Variants in NSD3 observed in about 807,000 individuals in gnomAD.
NSD3 encodes the protein nuclear receptor binding SET domain protein 3.
In NSD3, 24 loss-of-function variants were observed where a neutral mutation model predicts 160.8. The ratio of observed to expected loss-of-function variants is 0.15; its 90% CI spans 0.11 to 0.21. The LOEUF (loss-of-function observed/expected upper bound fraction) is 0.21. NSD3 is among the 10% of genes least tolerant of loss of function. NSD3 has a pLI of 1.00. For missense variants in NSD3, 1,157 were observed against 1,735.9 expected, an observed-to-expected ratio of 0.67 and a Z score of 5.93; for synonymous variants, 520 against 600.0, an observed-to-expected ratio of 0.87 and a Z score of 1.95.
Position 38,290,651 on chromosome 8 carries a change from G to C in NSD3, c.2942C>G (p.Pro981Arg). The change falls in exon 17 of 24, where the codon CCC becomes CGC. Residue 981 changes from proline to arginine, a missense_variant. Physicochemically the swap from Pro to Arg is moderately radical, Grantham distance 103. This residue lies in a region of NSD3 where 437 missense variants were observed against 576.6 expected (regional missense o/e 0.76). Coordinates refer to ENST00000317025, the MANE Select transcript of NSD3 (RefSeq NM_023034.2). The part of the protein sequence containing the change: ...YRWWPAEICN[P>R]RSVPLNIQGL... ...CTGGATGTTCAGTGGCACAGACCTG[G>C]GGTTGCAGATCTCTGCTGGCCACCA... is the stretch of plus-strand genomic sequence containing the variant. The C allele has an allele frequency of 6.2e-7, 1 of 1,613,836 alleles. No homozygotes were observed. The highest frequency in any genetic ancestry group is 8.5e-7 in the Non-Finnish European group (1 of 1,179,864).
Position 38,330,583 on chromosome 8 carries a change from G to A in NSD3, c.1066-690C>T, listed in dbSNP as rs907911235. Among the ~76,000 whole-genome samples the A allele has an allele frequency of 2.0e-5, 3 of 152,252 alleles. No individual in the cohort carries two copies. The South Asian group carries it at 6.2e-4, about 32-fold the overall frequency. On this transcript the variant is annotated intron_variant, in intron 5 of 23. Coordinates refer to ENST00000317025, the MANE Select transcript of NSD3 (RefSeq NM_023034.2). ...CAGAGCAATTAGGAATTATCCAGGT[G>A]GCTAGACTGATGTAGCCAGAAATTA...
intron 8 of NSD3, 98 bp downstream of exon 8, chr8:38,320,974 T>C: frequency 1.7e-6 from 2 of 1,173,542 alleles, no homozygotes; most frequent in Non-Finnish European, 2.5e-6. Context: ...GAAAGGAAAC[T>C]CAGTGTGGGG....
chr8:38,333,096 C>T (rs960575138), intron 4 of NSD3, among the ~76,000 whole-genome samples: 1 of 152,006 alleles, frequency 6.6e-6, no homozygotes, highest in Non-Finnish European at 1.5e-5. Context: ...ATTTCAAGGA[C>T]AGGGTAGTGG....
chr8:38,289,541 A>C lies in NSD3; in HGVS notation c.3119-36T>G, dbSNP rs761528107. ...GATGATACAAAGTATGTAAATACCA[A>C]AAACCAAAGGAAAATTGATGGGATA... On this transcript the variant is annotated intron_variant, in intron 17 of 23. Coordinates refer to ENST00000317025, the MANE Select transcript of NSD3 (RefSeq NM_023034.2). 3.2e-6 allele frequency: 5 copies of C among 1,581,892 alleles called. No individual in the cohort carries two copies. The East Asian group carries it at 1.1e-4, about 35-fold the overall frequency.
intron 1 of NSD3, among the ~76,000 whole-genome samples, chr8:38,376,336 C>A (rs1811386132): frequency 1.3e-5 from 2 of 152,078 alleles, no homozygotes; most frequent in Non-Finnish European, 2.9e-5. Context: ...GATCTCTTGC[C>A]TCACTGCAGC....
In NSD3 at chr8:38,319,289, C is replaced by T. The variant is rs1809742892; in HGVS notation, c.1810-349G>A. On this transcript the variant is annotated intron_variant, in intron 8 of 23. Transcript: ENST00000317025. The surrounding 1 kb of genome is among the most constrained non-coding windows in gnomAD (Gnocchi z 4.1). ...AACCGGCCCCAATGTTGCTAAAAACCCCTCCCGCCCCAAAGACGTTAGGAT... is the reference window on the plus strand; with the variant it reads ...AACCGGCCCCAATGTTGCTAAAAACTCCTCCCGCCCCAAAGACGTTAGGAT... 1 of 203,760 alleles carries T rather than the reference C, an allele frequency of 4.9e-6. No individual in the cohort carries two copies. The highest frequency in any genetic ancestry group is 9.7e-6 in the Non-Finnish European group (1 of 102,710). The allele number at this position is 203,760 out of a possible 1,614,324, so 12.6% of individuals were successfully genotyped here.
At chr8:38,284,703 T>C (rs1808817807) in intron 19 of NSD3, among the ~76,000 whole-genome samples, 1 of 152,224 alleles carries the variant, frequency 6.6e-6, no homozygotes. Context: ...AAATTTTCTT[T>C]AGTGGAAACT....
rs1808565736 is a variant in NSD3 at position 38,275,033 on chromosome 8, G to C, written c.*608C>G. 4.4e-6 allele frequency: 1 copy of C among 227,104 alleles called. No individual in the cohort carries two copies. Among genetic ancestry groups the C allele is most frequent in the African/African-American group, 2.2e-5 (1 of 44,992 alleles). The allele number at this position is 227,104 out of a possible 1,614,324, so 14.1% of individuals were successfully genotyped here. ...AAATCCACCGAGGCATTGTTTTCAA[G>C]AGGCCAGATTTAATACTTCCATAGA... On this transcript the variant is annotated 3_prime_UTR_variant, in exon 24 of 24. Transcript: ENST00000317025.
rs1246522855 is a variant in NSD3, at chr8:38,275,636, C to T, written c.*5G>A. On this transcript the variant is annotated 3_prime_UTR_variant, in exon 24 of 24. Coordinates refer to ENST00000317025, the MANE Select transcript of NSD3 (RefSeq NM_023034.2). ...CTTAAATAGAAAGGAGGGGACACCACACATTTATTCTTTTACTTCTTCTCC... is the reference window on the plus strand; with the variant it reads ...CTTAAATAGAAAGGAGGGGACACCATACATTTATTCTTTTACTTCTTCTCC... The T allele has an allele frequency of 6.2e-7, 1 of 1,611,832 alleles. No individual in the cohort carries two copies. Among genetic ancestry groups the T allele is most frequent in the Admixed American group, 1.7e-5 (1 of 59,824 alleles).
At chr8:38,375,017 A>T (rs1018454240) in intron 1 of NSD3, among the ~76,000 whole-genome samples, 5 of 152,118 alleles carry the variant, frequency 3.3e-5, no homozygotes, top group African/African-American at 7.2e-5. Flanking sequence ...AAAAAAATTT[A>T]AAAATAAATA....
In NSD3 at chr8:38,309,485, T is replaced by A. The variant is rs7831049; in HGVS notation, c.2243-4040A>T. Among the ~76,000 whole-genome samples the A allele has an allele frequency of 1.3e-3, 197 of 151,724 alleles. 1 individual carries two copies. In the South Asian group the frequency reaches 0.018, roughly 13 times the overall value. ...TCTGTCTCAATAAATAAATAAATAA[T>A]TAATTAAATAAAAAGCTAGCTGGGC... On this transcript the variant is annotated intron_variant, in intron 12 of 23. Transcript: ENST00000317025.
chr8:38,303,222 A>T (rs965049058), intron 14 of NSD3: 1 of 984,648 alleles, frequency 1.0e-6, no homozygotes, highest in East Asian at 1.1e-4. Flanking sequence ...TTCAACTGAT[A>T]ATACAATAAT....
At chr8:38,286,833 T>C (rs967044154) in intron 19 of NSD3, among the ~76,000 whole-genome samples, 1 of 152,218 alleles carries the variant, frequency 6.6e-6, no homozygotes, top group Non-Finnish European at 1.5e-5. Flanking sequence ...CGTGCTCTTC[T>C]CCTGCACACA....
intron 4 of NSD3, among the ~76,000 whole-genome samples, chr8:38,332,839 T>C (rs916194675): frequency 6.6e-5 from 10 of 151,788 alleles, no homozygotes; most frequent in African/African-American, 2.4e-4. Flanking sequence ...TTGCGAAAAA[T>C]AGTCTGAAAA....
intron 1 of NSD3, among the ~76,000 whole-genome samples, chr8:38,375,091 A>G (rs1353531401): frequency 6.6e-6 from 1 of 152,162 alleles, no homozygotes; most frequent in African/African-American, 2.4e-5. Context: ...ATTCTGTGGG[A>G]ATTCTACCAA....
At position 38,321,245 on chromosome 8, in the gene NSD3, A is replaced by T; in HGVS notation, c.1709-73T>A. On this transcript the variant is annotated intron_variant, in intron 7 of 23. Transcript: ENST00000317025. This position sits in a 1 kb window ranked among gnomAD's most constrained non-coding sequence, Gnocchi z 4.7. ...TTGACATCTATGTAATTAAGATATG[A>T]CCACATTCCTTGCTTTTCTTACCCA... is the stretch of plus-strand genomic sequence containing the variant. 1 of 1,242,684 alleles carries T rather than the reference A, an allele frequency of 8.0e-7. No homozygotes were observed. The highest frequency in any genetic ancestry group is 1.1e-6 in the Non-Finnish European group (1 of 893,078). The allele number at this position is 1,242,684 out of a possible 1,614,324, so 77.0% of individuals were successfully genotyped here.
chr8:38,374,306 A>G (rs1290822263), intron 1 of NSD3, among the ~76,000 whole-genome samples: 3 of 152,142 alleles, frequency 2.0e-5, no homozygotes, highest in Non-Finnish European at 4.4e-5. Context: ...ATAAATCTAT[A>G]TATCTTAGGA....
rs867442798 is a variant in NSD3 at position 38,272,040 on chromosome 8, A to C, written c.*3601T>G. ...CCATGCAAGAAACTACTCAAAAAGGAAATTCCACTTCATGAACCAGGAAAG... is the reference window on the plus strand; with the variant it reads ...CCATGCAAGAAACTACTCAAAAAGGCAATTCCACTTCATGAACCAGGAAAG... On this transcript the variant is annotated 3_prime_UTR_variant, in exon 24 of 24. Coordinates refer to ENST00000317025, the MANE Select transcript of NSD3 (RefSeq NM_023034.2). 1.3e-5 allele frequency: 2 copies of C among 152,274 alleles called. No homozygotes were observed. Among genetic ancestry groups the C allele is most frequent in the African/African-American group, 4.8e-5 (2 of 41,472 alleles). The allele number at this position is 152,274 out of a possible 1,614,324, so 9.4% of individuals were successfully genotyped here.
rs1809721095 is a variant in NSD3 at position 38,318,462 on chromosome 8, AG to A, written c.1855+432del. ...ATTTTAATTTACAAAAAGATTTTAC[AG>A]CACTGTAAAAATAAATGTGGCAAGA... On this transcript the variant is annotated intron_variant, in intron 9 of 23. Transcript: ENST00000317025. The surrounding 1 kb of genome is among the most constrained non-coding windows in gnomAD (Gnocchi z 5.3). Among the ~76,000 whole-genome samples the A allele has an allele frequency of 1.3e-5, 2 of 152,338 alleles. No homozygotes were observed. Among genetic ancestry groups the A allele is most frequent in the African/African-American group, 4.8e-5 (2 of 41,586 alleles).
Sources: allele counts gnomAD v4.1 joint callset (sites outside exome capture counted in the v4.1 genomes callset), GRCh38; gene constraint gnomAD v4.1.1; regional missense constraint gnomAD v4.1.1; non-coding constraint Gnocchi (gnomAD v3.1); transcripts MANE v1.5; gene names NCBI Gene and HGNC (gene_info 2026-07-23, HGNC 2026-07-21).